Variants in TOMM34 observed in about 807,000 individuals in gnomAD.
TOMM34 encodes mitochondrial import receptor subunit TOM34.
TOMM34 carries 24 observed loss-of-function variants against 37.4 expected under a neutral mutation model. That is an observed-to-expected ratio of 0.64 (90% CI 0.46 to 0.90). The LOEUF (loss-of-function observed/expected upper bound fraction) is 0.90, where lower values mean the gene tolerates loss of function less well. Among genes scored for constraint, TOMM34 ranks in the 40% least tolerant of loss-of-function variants. The probability of loss-of-function intolerance (pLI) is 0.00; values close to 1 mark genes in which losing one functional copy is unlikely to be tolerated. For synonymous variants in TOMM34, 154 were observed against 148.9 expected (o/e 1.03, Z -0.25); for missense variants, 304 against 375.6 (o/e 0.81, Z 1.58).
chr20:44,947,793 C>T (rs370546760), intron 5 of TOMM34, among the ~76,000 whole-genome samples: 1 of 152,130 alleles, frequency 6.6e-6, no homozygotes, highest in East Asian at 1.9e-4. Context: ...ATTGAGCCAC[C>T]GTGGCTGGAA....
rs1328564530 is a variant in TOMM34 at position 44,948,907 on chromosome 20, C to A, written c.551-30G>T. 5 of 1,610,292 alleles carry A rather than the reference C, an allele frequency of 3.1e-6. No homozygotes were observed. In the Admixed American group the frequency reaches 5.0e-5, roughly 16 times the overall value. On this transcript the variant is annotated intron_variant, in intron 4 of 6. Transcript: ENST00000372813. ...ATACAAATTCAGAAGAGGAAAAAAA[C>A]CATGGAGCAGCACCCAACTGAGATC... is the stretch of plus-strand genomic sequence containing the variant.
chr20:44,951,923 C>G lies in TOMM34; in HGVS notation c.460G>C (p.Ala154Pro), dbSNP rs762976173. Reference sequence around the variant, plus strand: ...GGCAAGGAATTCCACCTCTTCTGAGCTGAAACAGGCACCAAGGGGATTGAG... The same window carrying G: ...GGCAAGGAATTCCACCTCTTCTGAGGTGAAACAGGCACCAAGGGGATTGAG... Reference protein sequence around the residue: ...LPSIPLVPVSAQKRWNSLPSE... With the variant: ...LPSIPLVPVSPQKRWNSLPSE... The change falls in exon 4 of 7, where the codon GCT becomes CCT. Residue 154 changes from alanine (A) to proline (P), a missense_variant. By Grantham distance (27) the Ala-to-Pro change is conservative (BLOSUM62 -1). Coordinates refer to ENST00000372813, the MANE Select transcript of TOMM34 (RefSeq NM_006809.5). 1.1e-5 allele frequency: 18 copies of G among 1,614,130 alleles called. No homozygotes were observed. The highest frequency in any genetic ancestry group is 1.5e-5 in the Non-Finnish European group (18 of 1,179,982).
intron 3 of TOMM34, among the ~76,000 whole-genome samples, chr20:44,954,718 C>T (rs375827863): frequency 3.9e-5 from 6 of 152,232 alleles, no homozygotes; most frequent in South Asian, 2.1e-4. Context: ...TTCTAATTAG[C>T]GTTAGCGCTT....
rs770302204 is a variant in TOMM34 at position 44,948,900 on chromosome 20, A to G, written c.551-23T>C. 1.3e-5 allele frequency: 21 copies of G among 1,611,278 alleles called. No individual in the cohort carries two copies. In the East Asian group the frequency reaches 3.1e-4, roughly 24 times the overall value. ...GCACTAGATACAAATTCAGAAGAGG[A>G]AAAAAACCATGGAGCAGCACCCAAC... On this transcript the variant is annotated intron_variant, in intron 4 of 6. Transcript: ENST00000372813.
At chr20:44,948,916 A>C (rs774558369) in intron 4 of TOMM34, 39 bp from the exon 5 acceptor site, 1 of 1,606,970 alleles carries the variant, frequency 6.2e-7, no homozygotes, top group Admixed American at 1.7e-5. Flanking sequence ...ACCATGGAGC[A>C]GCACCCAACT....
chr20:44,960,182 G>C, intron 1 of TOMM34, 25 bp downstream of exon 1: 1 of 1,548,518 alleles, frequency 6.5e-7, no homozygotes, highest in East Asian at 2.5e-5. Context: ...CAGGCCCGGA[G>C]GTGAGATGGG....
chr20:44,960,246 C>T lies in TOMM34; in HGVS notation c.88G>A (p.Ala30Thr), dbSNP rs1471366669. 3.2e-6 allele frequency: 5 copies of T among 1,567,528 alleles called. No homozygotes were observed. The highest frequency in any genetic ancestry group is 3.5e-6 in the Non-Finnish European group (4 of 1,157,094). Reference protein sequence around the residue: ...FRNGQYAEASALYGRALRVLQ... With the variant: ...FRNGQYAEASTLYGRALRVLQ... ...ACCCGCAGCGCGCGGCCGTAGAGCG[C>T]GGAGGCCTCGGCGTACTGGCCGTTG... is the stretch of plus-strand genomic sequence containing the variant. Residue 30 changes from alanine to threonine, a missense_variant, in exon 1 of 7, where the codon GCG becomes ACG. Physicochemically the swap from Ala to Thr is moderately conservative, Grantham distance 58. Transcript: ENST00000372813.
intron 2 of TOMM34, chr20:44,955,453 C>T: frequency 3.1e-6 from 2 of 640,366 alleles, no homozygotes; most frequent in South Asian, 3.0e-5. Context: ...TGTGCACATG[C>T]ATCAATTTTC....
intron 6 of TOMM34, 96 bp downstream of exon 6, chr20:44,943,357 A>C: frequency 6.3e-7 from 1 of 1,596,822 alleles, no homozygotes; most frequent in African/African-American, 1.3e-5. Context: ...GAAAAGCTGC[A>C]GATATTGTCT....
rs6017448 is a variant in TOMM34, at chr20:44,954,108, A to C, written c.380+960T>G. ...TCTTCTGGCTAACCCCCTACCCCAT[A>C]TCTCTCATTCTTAGCTCACCTCCTC... is the stretch of plus-strand genomic sequence containing the variant. On this transcript the variant is annotated intron_variant, in intron 3 of 6. Transcript: ENST00000372813. Among the ~76,000 whole-genome samples, 1,286 of 151,836 alleles carry C rather than the reference A, an allele frequency of 8.5e-3. 24 individuals carry two copies. Among genetic ancestry groups the C allele is most frequent in the African/African-American group, 0.03 (1,248 of 41,396 alleles).
At chr20:44,946,381 CTG>C (rs1276901534) in intron 5 of TOMM34, among the ~76,000 whole-genome samples, 2 of 152,170 alleles carry the variant, frequency 1.3e-5, no homozygotes, top group African/African-American at 4.8e-5. Flanking sequence ...AATGAAGTAA[CTG>C]TATCCAGTCA....
intron 5 of TOMM34, among the ~76,000 whole-genome samples, chr20:44,944,342 ACAGT>A (rs1410928077): frequency 1.3e-5 from 2 of 152,220 alleles, no homozygotes; most frequent in African/African-American, 2.4e-5. Context: ...TAAAAACAAA[ACAGT>A]CAGATGTCTG....
chr20:44,943,852 C>T (rs2066957626), intron 5 of TOMM34, among the ~76,000 whole-genome samples: 1 of 152,134 alleles, frequency 6.6e-6, no homozygotes, highest in African/African-American at 2.4e-5. Context: ...GACTCCAGAT[C>T]CTGATCTCAT....
rs1234863305 is a variant in TOMM34, at chr20:44,943,207, T to G, written c.832A>C (p.Lys278Gln). Residue 278 changes from lysine (K) to glutamine (Q), a missense_variant, in exon 7 of 7, where the codon AAA becomes CAA. By Grantham distance (53) the Lys-to-Gln change is moderately conservative. Coordinates refer to ENST00000372813, the MANE Select transcript of TOMM34 (RefSeq NM_006809.5). ...AQAHKALKDY[K>Q]SSFADISNLL... ...TTGCTGATGTCTGCAAAGCTGGATTTATAGTCCTAATAGAAGAAAAGACAG... is the reference window on the plus strand; with the variant it reads ...TTGCTGATGTCTGCAAAGCTGGATTGATAGTCCTAATAGAAGAAAAGACAG... The G allele has an allele frequency of 6.2e-7, 1 of 1,614,118 alleles. No homozygotes were observed. Among genetic ancestry groups the G allele is most frequent in the Admixed American group, 1.7e-5 (1 of 60,028 alleles).
In TOMM34 at chr20:44,960,328, G is replaced by T. The variant is rs2067115370; in HGVS notation, c.6C>A (p.Ala2=). The part of the protein sequence containing the change: M[A]PKFPDSVEEL... ...CCTCCACAGAGTCTGGGAATTTGGG[G>T]GCCATCCCGTGGCCAGGCCGGCGAG... is the stretch of plus-strand genomic sequence containing the variant. The change falls in exon 1 of 7, where the codon GCC becomes GCA. Residue 2 remains alanine, a synonymous_variant. Coordinates refer to ENST00000372813, the MANE Select transcript of TOMM34 (RefSeq NM_006809.5). The T allele has an allele frequency of 2.5e-6, 4 of 1,573,096 alleles. No homozygotes were observed. The highest frequency in any genetic ancestry group is 2.4e-5 in the East Asian group (1 of 41,566).
chr20:44,958,321 C>T (rs1215066294), intron 1 of TOMM34: 4 of 470,010 alleles, frequency 8.5e-6, no homozygotes, highest in Non-Finnish European at 1.8e-5. Context: ...AGCGTTTTCC[C>T]CTCTTGTTTT....
intron 1 of TOMM34, 52 bp from the exon 2 acceptor site, chr20:44,956,537 G>C: frequency 6.4e-7 from 1 of 1,564,962 alleles, no homozygotes; most frequent in South Asian, 1.1e-5. Context: ...GGTGCCTCAG[G>C]GCATTAGGAT....
Position 44,948,851 on chromosome 20 carries a change from C to G in TOMM34, c.577G>C (p.Ala193Pro). The change falls in exon 5 of 7, where the codon GCC (alanine) becomes CCC (proline). Residue 193 changes from alanine (A) to proline (P), a missense_variant. Physicochemically the swap from Ala to Pro is conservative, Grantham distance 27. Transcript: ENST00000372813. ...RVPSAGDVEKARVLKEEGNEL... is the reference protein window; with the variant it reads ...RVPSAGDVEKPRVLKEEGNEL... ...TTGCCTTCTTCCTTCAGAACTCTGGCTTTCTCCACATCCCCAGCAGAAGGC... is the reference window on the plus strand; with the variant it reads ...TTGCCTTCTTCCTTCAGAACTCTGGGTTTCTCCACATCCCCAGCAGAAGGC... 1 of 1,614,014 alleles carries G rather than the reference C, an allele frequency of 6.2e-7. No individual in the cohort carries two copies. The highest frequency in any genetic ancestry group is 8.5e-7 in the Non-Finnish European group (1 of 1,179,996).
At chr20:44,948,911 G>A in intron 4 of TOMM34, 34 bp from the exon 5 acceptor site, 1 of 1,608,854 alleles carries the variant, frequency 6.2e-7, no homozygotes, top group Non-Finnish European at 8.5e-7. Flanking sequence ...AAAAAACCAT[G>A]GAGCAGCACC....
Sources: allele counts gnomAD v4.1 joint callset (sites outside exome capture counted in the v4.1 genomes callset), GRCh38; gene constraint gnomAD v4.1.1; transcripts MANE v1.5; gene names NCBI Gene and HGNC (gene_info 2026-07-23, HGNC 2026-07-21).